Variants in GALNT5 observed in about 807,000 individuals in gnomAD.
GALNT5 encodes the protein UDP-GalNAc:polypeptide N-acetylgalactosaminyltransferase 5.
GALNT5 carries 72 observed loss-of-function variants against 85.4 expected under a neutral mutation model. The ratio of observed to expected loss-of-function variants is 0.84; its 90% confidence interval spans 0.70 to 1.03. GALNT5 has a LOEUF of 1.03. Among genes scored for constraint, GALNT5 ranks in the 50% least tolerant of loss-of-function variants. The pLI, the probability that GALNT5 is intolerant of heterozygous loss-of-function variation, is 0.00. For missense variants in GALNT5, 1,137 were observed against 1,135.5 expected, an observed-to-expected ratio of 1.00 and a Z score of -0.02; for synonymous variants, 404 against 397.0, an observed-to-expected ratio of 1.02 and a Z score of -0.21.
intron 5 of GALNT5, among the ~76,000 whole-genome samples, chr2:157,298,201 G>A (rs1474967736): frequency 6.6e-6 from 1 of 152,114 alleles, no homozygotes; most frequent in African/African-American, 2.4e-5. Context: ...AAGGTCTGGG[G>A]GCAGGGAATC....
intron 3 of GALNT5, among the ~76,000 whole-genome samples, 190 bp from the exon 4 acceptor site, chr2:157,295,473 T>A (rs988992777): frequency 1.3e-5 from 2 of 151,620 alleles, no homozygotes; most frequent in Non-Finnish European, 2.9e-5. Context: ...ACCACAGGAC[T>A]CCTAGGAGCA....
rs1239006607 is a variant in GALNT5, at chr2:157,295,811, C to T, written c.1877+13C>T. On this transcript the variant is annotated intron_variant, in intron 4 of 9. Coordinates refer to ENST00000259056, the MANE Select transcript of GALNT5 (RefSeq NM_014568.3). The stretch of plus-strand genomic sequence containing the variant: ...ATAAGGATATGAGGTAATATTTACA[C>T]ATTCCACAAGATACTTTCAAGCACA... The T allele has an allele frequency of 3.8e-6, 6 of 1,584,326 alleles. No homozygotes were observed. Among genetic ancestry groups the T allele is most frequent in the South Asian group, 3.4e-5 (3 of 89,432 alleles).
intron 1 of GALNT5, among the ~76,000 whole-genome samples, chr2:157,275,039 T>C (rs1420086443): frequency 6.6e-6 from 1 of 152,232 alleles, no homozygotes; most frequent in Non-Finnish European, 1.5e-5. Flanking sequence ...AGTTTCAGCT[T>C]TCTACATATG....
intron 7 of GALNT5, chr2:157,302,650 C>G (rs1683367762): frequency 6.6e-6 from 1 of 151,844 alleles, no homozygotes; most frequent in Non-Finnish European, 1.5e-5. Context: ...GAATCTCAGT[C>G]AGAGTAATAA....
At chr2:157,304,147 AT>A (rs984747809) in intron 7 of GALNT5, among the ~76,000 whole-genome samples, 2 of 152,138 alleles carry the variant, frequency 1.3e-5, no homozygotes, top group African/African-American at 4.8e-5. Context: ...AAGCCCCGAG[AT>A]TATTCTACCT....
rs1409921504 is a variant in GALNT5 at position 157,315,694 on chromosome 2, G to A, written c.*4346G>A. ...AGAACCTATTCTTTTTCATCTCCTG[G>A]ACCAAATGTGAAAGAAAGAAGTGGA... is the stretch of plus-strand genomic sequence containing the variant. On this transcript the variant is annotated 3_prime_UTR_variant, in exon 10 of 10. Coordinates refer to ENST00000259056, the MANE Select transcript of GALNT5 (RefSeq NM_014568.3). Among the ~76,000 whole-genome samples, 1 of 152,026 alleles carries A rather than the reference G, an allele frequency of 6.6e-6. No individual in the cohort carries two copies. The highest frequency in any genetic ancestry group is 1.5e-5 in the Non-Finnish European group (1 of 68,020).
chr2:157,299,036 G>T (rs75933821), intron 5 of GALNT5: 3,877 of 155,754 alleles, frequency 0.025, 184 homozygotes, highest in East Asian at 0.18. Context: ...CGCAGCTTTC[G>T]GGAGGGACGC....
intron 8 of GALNT5, among the ~76,000 whole-genome samples, chr2:157,308,044 A>C (rs1417581970): frequency 1.3e-5 from 2 of 152,324 alleles, no homozygotes; most frequent in South Asian, 4.1e-4. Context: ...CCTTTCCTAC[A>C]ATCGGACAAA....
intron 1 of GALNT5, among the ~76,000 whole-genome samples, chr2:157,273,047 A>C (rs575414884): frequency 6.6e-6 from 1 of 151,872 alleles, no homozygotes; most frequent in Admixed American, 6.6e-5. Flanking sequence ...TTGTTTTTTT[A>C]CTTTTTAATA....
At chr2:157,297,570 T>C (rs1308283736) in intron 5 of GALNT5, among the ~76,000 whole-genome samples, 7 of 152,222 alleles carry the variant, frequency 4.6e-5, no homozygotes, top group Admixed American at 2.6e-4. Context: ...CATACTCTCA[T>C]GTTGAGGGCC....
intron 8 of GALNT5, among the ~76,000 whole-genome samples, chr2:157,307,470 C>A (rs1683478253): frequency 6.6e-6 from 1 of 152,178 alleles, no homozygotes; most frequent in Non-Finnish European, 1.5e-5. Context: ...CTCTTAGTAG[C>A]ACATAACTTC....
Position 157,259,346 on chromosome 2 carries a change from C to A in GALNT5, c.1264C>A (p.Gln422Lys). ...ALLPEDSGTH[Q>K]VLRIDVTLSP... ...TTTACCTGAAGACAGTGGAACGCAC[C>A]AGGTGTTAAGAATTGATGTGACACT... Residue 422 changes from glutamine to lysine, a missense_variant, in exon 1 of 10, where the codon CAG (glutamine) becomes AAG (lysine). By Grantham distance (53) the Gln-to-Lys change is moderately conservative. Transcript: ENST00000259056. 6.5e-7 allele frequency: 1 copy of A among 1,547,878 alleles called. No individual in the cohort carries two copies. The highest frequency in any genetic ancestry group is 1.4e-5 in the African/African-American group (1 of 72,746).
chr2:157,304,275 A>C (rs932092113), intron 7 of GALNT5, among the ~76,000 whole-genome samples: 2 of 152,082 alleles, frequency 1.3e-5, no homozygotes, highest in African/African-American at 4.8e-5. Flanking sequence ...CTCCTCCCAT[A>C]TTTGTCATTT....
chr2:157,304,196 G>T (rs1313948224), intron 7 of GALNT5, among the ~76,000 whole-genome samples: 1 of 152,082 alleles, frequency 6.6e-6, no homozygotes, highest in African/African-American at 2.4e-5. Context: ...TGAAGTTCAG[G>T]GGTGGGACTG....
At position 157,311,212 on chromosome 2, in the gene GALNT5, A is replaced by G. The variant is rs1259266812; in HGVS notation, c.2687A>G (p.Asn896Ser). The G allele has an allele frequency of 6.2e-7, 1 of 1,609,742 alleles. No individual in the cohort carries two copies. Among genetic ancestry groups the G allele is most frequent in the Non-Finnish European group, 8.5e-7 (1 of 1,177,436 alleles). ...CCAGCTCTTCTTTCTCTCCAGGTGA[A>G]TCACATTGTTTTTGAAAACAATCAG... ...STSVFHPELV[N>S]HIVFENNQQL... The change falls in exon 10 of 10, where the codon AAT becomes AGT. Residue 896 changes from asparagine (N) to serine (S), a missense_variant. Physicochemically the swap from Asn to Ser is conservative, Grantham distance 46. Coordinates refer to ENST00000259056, the MANE Select transcript of GALNT5 (RefSeq NM_014568.3).
intron 5 of GALNT5, among the ~76,000 whole-genome samples, chr2:157,297,106 C>A (rs1327876520): frequency 6.6e-6 from 1 of 152,118 alleles, no homozygotes; most frequent in Admixed American, 6.5e-5. Flanking sequence ...AAGCCTGCAG[C>A]ACAAGCATTA....
In GALNT5 at chr2:157,259,207, A is replaced by G. The variant is rs377516669; in HGVS notation, c.1125A>G (p.Arg375=). Residue 375 remains arginine (R), a synonymous_variant, in exon 1 of 10, where the codon AGA becomes AGG. Coordinates refer to ENST00000259056, the MANE Select transcript of GALNT5 (RefSeq NM_014568.3). ...CTTCCTCTTCACTTGCTCCACATAG[A>G]GTGCCACTGTCCCAAACTAACCATG... The part of the protein sequence containing the change: ...EMSSSSLAPH[R]VPLSQTNHAL... The G allele has an allele frequency of 1.6e-5, 25 of 1,581,208 alleles. No individual in the cohort carries two copies. Among genetic ancestry groups the G allele is most frequent in the Non-Finnish European group, 2.1e-5 (25 of 1,168,376 alleles).
chr2:157,312,372 T>C lies in GALNT5; in HGVS notation c.*1024T>C, dbSNP rs1391966294. On this transcript the variant is annotated 3_prime_UTR_variant, in exon 10 of 10. Coordinates refer to ENST00000259056, the MANE Select transcript of GALNT5 (RefSeq NM_014568.3). Reference sequence around the variant, plus strand: ...GGAAAATGAAGTGAAGGAAACATCATGAAAGGGGAAAGGAATGAGGTAAAC... The same window carrying C: ...GGAAAATGAAGTGAAGGAAACATCACGAAAGGGGAAAGGAATGAGGTAAAC... 6.6e-6 allele frequency: 1 copy of C among 150,940 alleles called. No homozygotes were observed. The highest frequency in any genetic ancestry group is 1.5e-5 in the Non-Finnish European group (1 of 67,806). 9.4% of individuals were successfully genotyped at this position (150,940 alleles called of 1,614,324 possible).
intron 1 of GALNT5, among the ~76,000 whole-genome samples, chr2:157,263,982 A>C (rs1210208204): frequency 1.3e-5 from 2 of 152,192 alleles, no homozygotes; most frequent in African/African-American, 4.8e-5. Flanking sequence ...ATTTACAAGA[A>C]TGTTTTACGT....
Sources: allele counts gnomAD v4.1 joint callset (sites outside exome capture counted in the v4.1 genomes callset), GRCh38; gene constraint gnomAD v4.1.1; transcripts MANE v1.5; gene names NCBI Gene and HGNC (gene_info 2026-07-23, HGNC 2026-07-21).